Variants in EYS observed in about 807,000 individuals in gnomAD.
EYS encodes protein eyes shut homolog.
In EYS, 250 loss-of-function variants were observed where a neutral mutation model predicts 282.1. That is an observed-to-expected ratio of 0.89 (90% CI 0.80 to 0.98). The LOEUF (loss-of-function observed/expected upper bound fraction) is 0.98, where lower values mean the gene tolerates loss of function less well. Ranked by LOEUF, EYS falls within the 50% of genes least tolerant of loss-of-function variation. The probability of loss-of-function intolerance (pLI) is 0.00; values close to 1 mark genes in which losing one functional copy is unlikely to be tolerated. For synonymous variants in EYS, 1,355 were observed against 1,282.9 expected, an observed-to-expected ratio of 1.06 and a Z score of -1.20; for missense variants, 4,016 against 3,709.0, an observed-to-expected ratio of 1.08 and a Z score of -2.15.
At chr6:64,296,529 T>C (rs763667486) in intron 30 of EYS, among the ~76,000 whole-genome samples, 1 of 16,108 alleles carries the variant, frequency 6.2e-5, no homozygotes, top group African/African-American at 1.2e-4. Context: ...TAGACAACAA[T>C]TGTACTGGCA....
At chr6:65,136,620 C>A (rs78089039) in intron 12 of EYS, among the ~76,000 whole-genome samples, 106 of 152,074 alleles carry the variant, frequency 7.0e-4, no homozygotes, top group Middle Eastern at 3.4e-3. Flanking sequence ...GATTAAATAT[C>A]CTATGCACTC....
intron 34 of EYS, among the ~76,000 whole-genome samples, chr6:63,989,093 T>C (rs1159392964): frequency 6.6e-6 from 1 of 151,652 alleles, no homozygotes; most frequent in Non-Finnish European, 1.5e-5. Flanking sequence ...TGAAGTTAAA[T>C]GACTTGTGTT....
At chr6:64,780,144 A>T (rs1322836230) in intron 22 of EYS, among the ~76,000 whole-genome samples, 4 of 152,212 alleles carry the variant, frequency 2.6e-5, no homozygotes, top group Non-Finnish European at 4.4e-5. Flanking sequence ...AGAGATCACC[A>T]ATATAAAGGA....
At chr6:64,874,570 G>A (rs964771396) in intron 19 of EYS, among the ~76,000 whole-genome samples, 2 of 152,042 alleles carry the variant, frequency 1.3e-5, no homozygotes, top group African/African-American at 4.8e-5. Context: ...GTGCAGTAAT[G>A]CATTTGGTAG....
intron 12 of EYS, among the ~76,000 whole-genome samples, chr6:65,196,396 C>T (rs1765767227): frequency 6.6e-6 from 1 of 152,040 alleles, no homozygotes; most frequent in African/African-American, 2.4e-5. Flanking sequence ...AATTTTCTTA[C>T]ACATGCAATT....
intron 22 of EYS, among the ~76,000 whole-genome samples, chr6:64,765,955 T>C (rs796101812): frequency 3.3e-5 from 5 of 152,140 alleles, no homozygotes; most frequent in African/African-American, 9.7e-5. Context: ...TACCTTCAGC[T>C]TTTCTTCATT....
At chr6:64,036,186 C>G (rs1770111044) in intron 33 of EYS, among the ~76,000 whole-genome samples, 1 of 151,588 alleles carries the variant, frequency 6.6e-6, no homozygotes, top group African/African-American at 2.4e-5. Context: ...GACTAGGAAA[C>G]AGCAAATGCA....
intron 12 of EYS, among the ~76,000 whole-genome samples, chr6:65,135,042 G>T (rs1030545216): frequency 8.6e-5 from 13 of 152,002 alleles, no homozygotes; most frequent in Non-Finnish European, 2.9e-5. Context: ...TGGAACTCTT[G>T]CAGTGGCTAT....
At chr6:65,371,739 C>CTGTGTG (rs1249374177) in intron 8 of EYS, among the ~76,000 whole-genome samples, 372 of 51,682 alleles carry the variant, frequency 7.2e-3, no homozygotes, top group Middle Eastern at 0.013. Flanking sequence ...CTCTCTCTCT[C>CTGTGTG]TCTGTGTGTG....
intron 7 of EYS, among the ~76,000 whole-genome samples, chr6:65,392,144 T>A (rs1227417171): frequency 1.3e-5 from 2 of 152,024 alleles, no homozygotes; most frequent in Admixed American, 6.6e-5. Flanking sequence ...CTGGATCCCT[T>A]CCTTACACCT....
intron 11 of EYS, among the ~76,000 whole-genome samples, chr6:65,318,493 A>G (rs1266846233): frequency 5.4e-5 from 8 of 146,852 alleles, no homozygotes; most frequent in Non-Finnish European, 1.2e-4. Context: ...ATTGAGGGTC[A>G]TCTTGGAGGC....
intron 31 of EYS, among the ~76,000 whole-genome samples, chr6:64,116,167 AGACTT>A (rs769295019): frequency 3.9e-5 from 6 of 152,222 alleles, no homozygotes; most frequent in Admixed American, 1.3e-4. Flanking sequence ...AGCAGAAGAA[AGACTT>A]GACTTCTGTG....
intron 35 of EYS, among the ~76,000 whole-genome samples, chr6:63,954,371 T>C (rs964142047): frequency 1.3e-5 from 2 of 152,202 alleles, no homozygotes; most frequent in African/African-American, 2.4e-5. Context: ...CTCATTGCCT[T>C]AGCTCAGGCC....
chr6:64,989,863 T>C (rs1439242414), intron 14 of EYS, among the ~76,000 whole-genome samples: 1 of 149,078 alleles, frequency 6.7e-6, no homozygotes, highest in Non-Finnish European at 1.5e-5. Context: ...GACAGGTTTA[T>C]TGTAGGAAGT....
Position 64,383,192 on chromosome 6 carries a change from TA to T in EYS, c.6078+5497del, listed in dbSNP as rs1772805402. Among the ~76,000 whole-genome samples the T allele has an allele frequency of 3.3e-5, 5 of 152,198 alleles. No homozygotes were observed. The East Asian group carries it at 7.7e-4, about 23-fold the overall frequency. On this transcript the variant is annotated intron_variant, in intron 29 of 42. Transcript: ENST00000503581. ...GGTACATGCCTGTAGTCCCAGCTAC[TA>T]GGGGGGCTGAGGTGGGAAGATTGTT...
intron 36 of EYS, among the ~76,000 whole-genome samples, chr6:63,809,344 T>C (rs1770982596): frequency 6.6e-6 from 1 of 152,222 alleles, no homozygotes; most frequent in South Asian, 2.1e-4. Context: ...TTAATTTGGT[T>C]ACTCTACTGC....
At chr6:63,903,959 A>C (rs527833938) in intron 35 of EYS, among the ~76,000 whole-genome samples, 43 of 152,146 alleles carry the variant, frequency 2.8e-4, no homozygotes, top group Non-Finnish European at 5.4e-4. Context: ...ATAACCCTCG[A>C]TTTTGTCCTT....
At chr6:64,065,355 G>T (rs1771326358) in intron 33 of EYS, among the ~76,000 whole-genome samples, 1 of 152,126 alleles carries the variant, frequency 6.6e-6, no homozygotes, top group South Asian at 2.1e-4. Context: ...ATGACATAGA[G>T]TAACTTTGGA....
At chr6:64,635,252 A>G (rs1314410332) in intron 22 of EYS, among the ~76,000 whole-genome samples, 1 of 152,138 alleles carries the variant, frequency 6.6e-6, no homozygotes, top group Non-Finnish European at 1.5e-5. Flanking sequence ...CCAGATACAC[A>G]ATCATGTCAT....
Sources: gnomAD v4.1 joint callset for allele counts (sites outside exome capture counted in the v4.1 genomes callset) on GRCh38, gnomAD v4.1.1 for gene constraint, MANE v1.5 for transcripts, NCBI Gene and HGNC (gene_info 2026-07-23, HGNC 2026-07-21) for gene names.